The following PTPRA variants were observed in gnomAD, a reference collection of about 807,000 sequenced individuals.
The protein encoded by PTPRA is protein tyrosine phosphatase receptor type A.
In PTPRA, 25 loss-of-function variants were observed where a neutral mutation model predicts 104.8. That is an observed-to-expected ratio of 0.24 (90% CI 0.17 to 0.33). The LOEUF (loss-of-function observed/expected upper bound fraction) is 0.33, where lower values mean the gene tolerates loss of function less well. Ranked by LOEUF, PTPRA falls within the 10% of genes least tolerant of loss-of-function variation. PTPRA has a pLI of 1.00. For synonymous variants in PTPRA, 323 were observed against 368.9 expected (o/e 0.88, Z 1.43); for missense variants, 765 against 1,015.3 (o/e 0.75, Z 3.35).
chr20:2,901,699 G>A (rs1442104880), intron 1 of PTPRA, among the ~76,000 whole-genome samples: 1 of 152,008 alleles, frequency 6.6e-6, no homozygotes, highest in Admixed American at 6.6e-5. Flanking sequence ...AAAATCTTCC[G>A]TTTTGAAATT....
the PTPRA span, chr20:2,866,030 C>A: frequency 1.6e-6 from 1 of 620,706 alleles, no homozygotes; most frequent in Non-Finnish European, 2.8e-6. Context: ...TAGGTGATTT[C>A]TGCCCTAAGA....
At chr20:2,909,259 A>T (rs915978740) in intron 1 of PTPRA, among the ~76,000 whole-genome samples, 1 of 152,184 alleles carries the variant, frequency 6.6e-6, no homozygotes, top group African/African-American at 2.4e-5. Context: ...ACTGCACTCT[A>T]GCCTGAGTGA....
rs1167040036 is a variant in PTPRA at position 3,037,091 on chromosome 20, GTCAC to G, written c.2199-58_2199-55del. ...CCCACCTCTTCTGCCACTCACCACT[GTCAC>G]TCACCCCCTTGCACAGAGGGCCATC... On this transcript the variant is annotated intron_variant, in intron 22 of 23. Transcript: ENST00000399903. The surrounding 1 kb of genome is among the most constrained non-coding windows in gnomAD (Gnocchi z 4.3). The G allele has an allele frequency of 7.6e-6, 12 of 1,579,702 alleles. No individual in the cohort carries two copies. Among genetic ancestry groups the G allele is most frequent in the African/African-American group, 1.3e-5 (1 of 74,336 alleles).
intron 6 of PTPRA, 60 bp downstream of exon 6, chr20:2,975,301 TC>T: frequency 7.0e-7 from 1 of 1,421,688 alleles, no homozygotes; most frequent in Non-Finnish European, 9.6e-7. Context: ...TTCATTTATT[TC>T]CTCTGCTCAC....
intron 2 of PTPRA, among the ~76,000 whole-genome samples, chr20:2,924,332 G>GAC (rs2060214275): frequency 6.6e-6 from 1 of 152,164 alleles, no homozygotes; most frequent in Admixed American, 6.6e-5. Flanking sequence ...AAGCCAGGAG[G>GAC]CAGAAGTTGC....
At chr20:2,900,179 A>G (rs2059177568) in intron 1 of PTPRA, among the ~76,000 whole-genome samples, 1 of 151,774 alleles carries the variant, frequency 6.6e-6, no homozygotes, top group Non-Finnish European at 1.5e-5. Flanking sequence ...AATTCTTTAG[A>G]TGGGGTCTTG....
chr20:2,920,404 A>G (rs1171428307), intron 1 of PTPRA, among the ~76,000 whole-genome samples: 1 of 152,136 alleles, frequency 6.6e-6, no homozygotes, highest in Non-Finnish European at 1.5e-5. Context: ...CCAGACAGAC[A>G]TTTCCAGGAA....
intron 5 of PTPRA, among the ~76,000 whole-genome samples, chr20:2,973,669 G>A (rs2062290612): frequency 6.6e-6 from 1 of 152,052 alleles, no homozygotes; most frequent in African/African-American, 2.4e-5. Flanking sequence ...AGGGAATAGG[G>A]GCCATTTCTC....
intron 2 of PTPRA, among the ~76,000 whole-genome samples, chr20:2,924,922 G>A (rs1027602573): frequency 2.0e-5 from 3 of 152,074 alleles, no homozygotes; most frequent in Middle Eastern, 3.4e-3. Flanking sequence ...CTCATGATCC[G>A]CCTGCCTCTG....
intron 2 of PTPRA, among the ~76,000 whole-genome samples, chr20:2,940,050 C>T (rs1037031829): frequency 3.3e-5 from 5 of 152,250 alleles, no homozygotes; most frequent in African/African-American, 7.2e-5. Flanking sequence ...GTGGAGGTTG[C>T]AGTGAGCTGA....
rs1237948452 is a variant in PTPRA at position 3,022,956 on chromosome 20, A to G, written c.1464+132A>G. On this transcript the variant is annotated intron_variant, in intron 16 of 23. Transcript: ENST00000399903. The surrounding 1 kb of genome is among the most constrained non-coding windows in gnomAD (Gnocchi z 4.6). ...GAGTGTGATTGTGGGGGAAAGAAAG[A>G]TAGATCACACTGTTACCGTGTCTAT... 1.7e-5 allele frequency: 24 copies of G among 1,405,232 alleles called. No individual in the cohort carries two copies. Among genetic ancestry groups the G allele is most frequent in the Non-Finnish European group, 1.9e-5 (20 of 1,038,792 alleles). The allele number at this position is 1,405,232 out of a possible 1,614,324, so 87.0% of individuals were successfully genotyped here. A position where few individuals can be genotyped will look rare whatever the true frequency, so the allele number is the denominator to read the frequency against.
chr20:2,983,856 A>C (rs34963539), intron 6 of PTPRA, among the ~76,000 whole-genome samples: 1,827 of 152,212 alleles, frequency 0.012, 21 homozygotes, highest in South Asian at 0.031. Context: ...AAGCAAAGCA[A>C]CTGTGGGAAT....
chr20:2,919,035 A>G (rs2060010386), intron 1 of PTPRA, among the ~76,000 whole-genome samples: 1 of 152,140 alleles, frequency 6.6e-6, no homozygotes, highest in Non-Finnish European at 1.5e-5. Context: ...TTTAATATAT[A>G]ATACCTGTTT....
chr20:2,948,131 G>C (rs1345791362), intron 3 of PTPRA, 107 bp downstream of exon 3: 1 of 469,658 alleles, frequency 2.1e-6, no homozygotes. Flanking sequence ...CATAATCTGG[G>C]GTGGGGGTGC....
chr20:2,940,717 A>C (rs1219863415), intron 2 of PTPRA, among the ~76,000 whole-genome samples: 2 of 152,166 alleles, frequency 1.3e-5, no homozygotes, highest in Non-Finnish European at 2.9e-5. Context: ...AATTATATGA[A>C]ATTCAAATTT....
chr20:2,979,427 A>G (rs1274961284), intron 6 of PTPRA, among the ~76,000 whole-genome samples: 1 of 151,936 alleles, frequency 6.6e-6, no homozygotes, highest in African/African-American at 2.4e-5. Context: ...CATATTTTTC[A>G]TCTCTTATTG....
chr20:2,915,830 A>G (rs1215839623), intron 1 of PTPRA, among the ~76,000 whole-genome samples: 1 of 152,124 alleles, frequency 6.6e-6, no homozygotes, highest in East Asian at 1.9e-4. Flanking sequence ...CTCAAATACA[A>G]AAAATTAGCC....
chr20:3,034,904 T>C (rs981314867), intron 20 of PTPRA, among the ~76,000 whole-genome samples: 67 of 152,142 alleles, frequency 4.4e-4, no homozygotes, highest in Admixed American at 4.0e-3. Context: ...TCTGCAGACA[T>C]TGAACAAATT....
At chr20:2,864,320 G>A in the PTPRA span, 1 of 1,614,048 alleles carries the variant, frequency 6.2e-7, no homozygotes, top group Non-Finnish European at 8.5e-7. The surrounding 1 kb of genome is among the most constrained non-coding windows in gnomAD (Gnocchi z 5.2). Context: ...CCTGGGCTAA[G>A]TGGGAGCCTG....
Sources: allele counts gnomAD v4.1 joint callset (sites outside exome capture counted in the v4.1 genomes callset), GRCh38; gene constraint gnomAD v4.1.1; non-coding constraint Gnocchi (gnomAD v3.1); transcripts MANE v1.5; gene names NCBI Gene and HGNC (gene_info 2026-07-23, HGNC 2026-07-21).